ERBB4: variants seen among roughly 807,000 people sequenced by gnomAD.
ERBB4 encodes receptor tyrosine-protein kinase erbB-4.
In ERBB4, 42 loss-of-function variants were observed where a neutral mutation model predicts 158.0. The observed-to-expected ratio is 0.27, with a 90% confidence interval of 0.21 to 0.34. The LOEUF is 0.34. Ranked by LOEUF, ERBB4 falls within the 10% of genes least tolerant of loss-of-function variation. The pLI, the probability that ERBB4 is intolerant of heterozygous loss-of-function variation, is 1.00. For synonymous variants in ERBB4, 583 were observed against 558.7 expected, an observed-to-expected ratio of 1.04 and a Z score of -0.61; for missense variants, 1,333 against 1,624.1, an observed-to-expected ratio of 0.82 and a Z score of 3.08.
At position 211,772,955 on chromosome 2, in the gene ERBB4, A is replaced by ATATATATAT. The variant is rs1553630145; in HGVS notation, c.556+15069_556+15070insATATATATA. Among the ~76,000 whole-genome samples, 22 of 83,296 alleles carry ATATATATAT rather than the reference A, an allele frequency of 2.6e-4. 1 individual carries two copies. The highest frequency in any genetic ancestry group is 1.0e-3 in the African/African-American group (19 of 18,328). The allele number at this position is 83,296 out of a possible 152,430, so 54.6% of individuals were successfully genotyped here. On this transcript the variant is annotated intron_variant, in intron 4 of 27. Coordinates refer to ENST00000342788, the MANE Select transcript of ERBB4 (RefSeq NM_005235.3). ...TATATATATATATATATATATATAT[A>ATATATATAT]TTTTTTTTTTTAAAGATGGGGTCCT...
intron 3 of ERBB4, among the ~76,000 whole-genome samples, chr2:211,844,835 A>G (rs894079936): frequency 2.0e-5 from 3 of 152,168 alleles, no homozygotes; most frequent in African/African-American, 4.8e-5. Flanking sequence ...TTAACTGTGG[A>G]TATTCAATGC....
At chr2:212,036,434 C>T (rs940078601) in intron 2 of ERBB4, among the ~76,000 whole-genome samples, 2 of 151,714 alleles carry the variant, frequency 1.3e-5, no homozygotes, top group African/African-American at 4.8e-5. Context: ...ATACCAGACG[C>T]CGTGGAACTA....
At chr2:212,528,126 A>C (rs1394881185) in intron 1 of ERBB4, among the ~76,000 whole-genome samples, 1 of 152,028 alleles carries the variant, frequency 6.6e-6, no homozygotes, top group Non-Finnish European at 1.5e-5. Flanking sequence ...TCCTTAACTG[A>C]TAGATTTATT....
intron 1 of ERBB4, among the ~76,000 whole-genome samples, chr2:212,509,955 C>G (rs996829001): frequency 1.5e-4 from 23 of 151,386 alleles, no homozygotes; most frequent in Non-Finnish European, 3.1e-4. Context: ...ATGAAATATC[C>G]CAAAATTTTG....
intron 1 of ERBB4, among the ~76,000 whole-genome samples, chr2:212,327,391 C>A (rs1391447585): frequency 6.6e-6 from 1 of 151,836 alleles, no homozygotes; most frequent in Non-Finnish European, 1.5e-5. Context: ...AGACGCAATC[C>A]AAGGCCTGTT....
rs974171860 is a variant in ERBB4 at position 212,446,275 on chromosome 2, G to T, written c.82+92174C>A. Among the ~76,000 whole-genome samples, 14 of 149,750 alleles carry T rather than the reference G, an allele frequency of 9.3e-5. No individual in the cohort carries two copies. The East Asian group carries it at 1.4e-3, about 15-fold the overall frequency. Reference sequence around the variant, plus strand: ...GTTGATCTAGGGTGTGTCTGTAAGGGTGTTGCCAGAAGAGATTAACATTTG... The same window carrying T: ...GTTGATCTAGGGTGTGTCTGTAAGGTTGTTGCCAGAAGAGATTAACATTTG... On this transcript the variant is annotated intron_variant, in intron 1 of 27. Transcript: ENST00000342788.
intron 2 of ERBB4, among the ~76,000 whole-genome samples, chr2:212,111,054 T>C (rs1373973828): frequency 2.0e-5 from 3 of 152,134 alleles, no homozygotes; most frequent in Non-Finnish European, 4.4e-5. Flanking sequence ...GAAAAAGTAA[T>C]AGAAATTCAA....
At chr2:212,417,339 CTAAA>C (rs1480932979) in intron 1 of ERBB4, among the ~76,000 whole-genome samples, 3 of 151,922 alleles carry the variant, frequency 2.0e-5, no homozygotes, top group South Asian at 2.1e-4. Context: ...TTAACAAGAA[CTAAA>C]TAGTGATCAG....
intron 1 of ERBB4, among the ~76,000 whole-genome samples, chr2:212,387,921 T>C (rs1235501216): frequency 1.3e-5 from 2 of 152,136 alleles, no homozygotes; most frequent in Non-Finnish European, 2.9e-5. Flanking sequence ...TATAATTAAC[T>C]AGGTGTGTAT....
rs920954478 is a variant in ERBB4 at position 211,383,529 on chromosome 2, G to A, written c.*86C>T. ...GAAGTGTCAAAACTACTGGCCTTGG[G>A]GTAGAAGGAAGACCACCAGAGAAAG... On this transcript the variant is annotated 3_prime_UTR_variant, in exon 28 of 28. Coordinates refer to ENST00000342788, the MANE Select transcript of ERBB4 (RefSeq NM_005235.3). 2.7e-6 allele frequency: 3 copies of A among 1,108,742 alleles called. No individual in the cohort carries two copies. The South Asian group carries it at 3.8e-5, about 14-fold the overall frequency. 68.7% of individuals were successfully genotyped at this position (1,108,742 alleles called of 1,614,324 possible).
chr2:212,168,068 TA>T (rs10594490), intron 1 of ERBB4, among the ~76,000 whole-genome samples: 49,963 of 149,384 alleles, frequency 0.33, 9,652 homozygotes, highest in African/African-American at 0.55. Context: ...AAATTAAAAT[TA>T]AAAAAAAAAA....
chr2:211,522,087 A>G (rs1029659117), intron 20 of ERBB4, among the ~76,000 whole-genome samples: 7 of 152,192 alleles, frequency 4.6e-5, no homozygotes, highest in African/African-American at 9.6e-5. Context: ...ATTATTTAAG[A>G]AATGAATTTC....
intron 3 of ERBB4, among the ~76,000 whole-genome samples, chr2:211,790,100 G>C (rs1018066399): frequency 8.6e-5 from 13 of 151,994 alleles, no homozygotes; most frequent in African/African-American, 3.1e-4. Context: ...GACGTAAGAC[G>C]TAAGAAAGAT....
intron 1 of ERBB4, among the ~76,000 whole-genome samples, chr2:212,223,614 C>T (rs1402772): frequency 0.16 from 24,349 of 150,942 alleles, 2,356 homozygotes; most frequent in Non-Finnish European, 0.21. Flanking sequence ...ATTTGGAAAG[C>T]CACTGTGACT....
chr2:211,405,524 G>T (rs1316206465), intron 25 of ERBB4, among the ~76,000 whole-genome samples: 1 of 151,974 alleles, frequency 6.6e-6, no homozygotes, highest in Non-Finnish European at 1.5e-5. Flanking sequence ...GATTTCACTG[G>T]CTCACTCGTC....
At chr2:212,053,347 A>G (rs913920259) in intron 2 of ERBB4, among the ~76,000 whole-genome samples, 1 of 152,178 alleles carries the variant, frequency 6.6e-6, no homozygotes, top group African/African-American at 2.4e-5. Context: ...GACTGGGCCA[A>G]TCTAAACATC....
intron 3 of ERBB4, among the ~76,000 whole-genome samples, chr2:211,882,557 AATT>A (rs1437214049): frequency 6.6e-6 from 1 of 152,196 alleles, no homozygotes; most frequent in African/African-American, 2.4e-5. Flanking sequence ...TAGATAATAA[AATT>A]ATTCACATAA....
At chr2:211,391,234 T>G (rs2062792426) in intron 25 of ERBB4, among the ~76,000 whole-genome samples, 2 of 152,286 alleles carry the variant, frequency 1.3e-5, no homozygotes, top group South Asian at 4.1e-4. Flanking sequence ...ACTTTTAATA[T>G]TGGAAAGAAT....
chr2:211,934,926 TAAA>T lies in ERBB4; in HGVS notation c.421+12501_421+12503del, dbSNP rs34614862. Among the ~76,000 whole-genome samples the T allele has an allele frequency of 9.7e-4, 84 of 86,644 alleles. 5 individuals carry two copies. The highest frequency in any genetic ancestry group is 2.9e-3 in the African/African-American group (74 of 25,250). The allele number at this position is 86,644 out of a possible 152,430, so 56.8% of individuals were successfully genotyped here. A position where few individuals can be genotyped will look rare whatever the true frequency, so the allele number is the denominator to read the frequency against. On this transcript the variant is annotated intron_variant, in intron 3 of 27. Transcript: ENST00000342788. ...TACACTAAGCAAAGTCTCATTCAGC[TAAA>T]AAAAAAAAAAAACTGCCTTGAAGAG...
Sources: gnomAD v4.1 joint callset for allele counts (sites outside exome capture counted in the v4.1 genomes callset) on GRCh38, gnomAD v4.1.1 for gene constraint, MANE v1.5 for transcripts, NCBI Gene and HGNC (gene_info 2026-07-23, HGNC 2026-07-21) for gene names.